Variants in FOSL2 observed in about 807,000 individuals in gnomAD.
The protein encoded by FOSL2 is FOS like 2, AP-1 transcription factor subunit.
Under a neutral mutation model 27.7 loss-of-function variants are expected in FOSL2, and 3 were observed. That is an observed-to-expected ratio of 0.11 (90% CI 0.05 to 0.28). The LOEUF (loss-of-function observed/expected upper bound fraction) is 0.28, where lower values mean the gene tolerates loss of function less well. Ranked by LOEUF, FOSL2 falls within the 10% of genes least tolerant of loss-of-function variation. FOSL2 has a pLI of 1.00. For synonymous variants in FOSL2, 179 were observed against 190.1 expected, an observed-to-expected ratio of 0.94 and a Z score of 0.48; for missense variants, 333 against 445.1, an observed-to-expected ratio of 0.75 and a Z score of 2.27.
rs1664230166 is a variant in FOSL2 at position 28,412,768 on chromosome 2, C to T, written c.*320C>T. ...GAGCCTGAAGCTGGCCTGGACCATT[C>T]CTGTCCCTTTGTTACCATACTGTCT... On this transcript the variant is annotated 3_prime_UTR_variant, in exon 4 of 4. Transcript: ENST00000264716. The surrounding 1 kb of genome is among the most constrained non-coding windows in gnomAD (Gnocchi z 7.1). 3 of 340,744 alleles carry T rather than the reference C, an allele frequency of 8.8e-6. No homozygotes were observed. The highest frequency in any genetic ancestry group is 1.7e-5 in the Non-Finnish European group (3 of 181,512). The allele number at this position is 340,744 out of a possible 1,614,324, so 21.1% of individuals were successfully genotyped here.
At chr2:28,397,874 A>G (rs1219767833) in intron 1 of FOSL2, among the ~76,000 whole-genome samples, 1 of 152,162 alleles carries the variant, frequency 6.6e-6, no homozygotes, top group Non-Finnish European at 1.5e-5. Flanking sequence ...TGTCCTTTGA[A>G]GGGTGAATTT....
At position 28,393,883 on chromosome 2, in the gene FOSL2, C is replaced by T; in HGVS notation, c.102+61C>T. The T allele has an allele frequency of 1.8e-6, 2 of 1,094,294 alleles. No homozygotes were observed. Among genetic ancestry groups the T allele is most frequent in the Admixed American group, 2.4e-5 (1 of 41,062 alleles). 67.8% of individuals were successfully genotyped at this position (1,094,294 alleles called of 1,614,324 possible). ...CGGACCCCTGCCCTCTTCTCGCCGC[C>T]ACTGCCTCTTTTGCTTTCTTTTCTT... On this transcript the variant is annotated intron_variant, in intron 1 of 3. Transcript: ENST00000264716. The surrounding 1 kb of genome is among the most constrained non-coding windows in gnomAD (Gnocchi z 4.6).
Position 28,393,157 on chromosome 2 carries a change from A to G in FOSL2, c.-564A>G, listed in dbSNP as rs1045592818. 3.5e-6 allele frequency: 1 copy of G among 287,634 alleles called. No homozygotes were observed. The highest frequency in any genetic ancestry group is 6.4e-6 in the Non-Finnish European group (1 of 156,224). The allele number at this position is 287,634 out of a possible 1,614,324, so 17.8% of individuals were successfully genotyped here. A position where few individuals can be genotyped will look rare whatever the true frequency, so the allele number is the denominator to read the frequency against. ...GGCGCACGCCGCCTTCTCCTAGTCA[A>G]GTATCCGAGCCGCCCCGAAACTCGG... On this transcript the variant is annotated 5_prime_UTR_variant, in exon 1 of 4. Transcript: ENST00000264716. The surrounding 1 kb of genome is among the most constrained non-coding windows in gnomAD (Gnocchi z 4.6).
chr2:28,413,986 C>T lies in FOSL2; in HGVS notation c.*1538C>T, dbSNP rs1572498639. On this transcript the variant is annotated 3_prime_UTR_variant, in exon 4 of 4. Coordinates refer to ENST00000264716, the MANE Select transcript of FOSL2 (RefSeq NM_005253.4). ...GCACAGCTCAGCAGGGTCCCTGCTG[C>T]CCACCCCTCTGAGCCTTTTCTCCCC... is the stretch of plus-strand genomic sequence containing the variant. 3.0e-5 allele frequency: 12 copies of T among 396,726 alleles called. No homozygotes were observed. The East Asian group carries it at 4.3e-4, about 14-fold the overall frequency. The allele number at this position is 396,726 out of a possible 1,614,324, so 24.6% of individuals were successfully genotyped here.
chr2:28,409,330 G>A (rs1230642072), intron 3 of FOSL2, among the ~76,000 whole-genome samples: 4 of 152,180 alleles, frequency 2.6e-5, no homozygotes, highest in African/African-American at 9.6e-5. Context: ...CCAGGGAGAA[G>A]TCTTGATGGA....
At chr2:28,410,444 C>T in intron 3 of FOSL2, 1 of 747,652 alleles carries the variant, frequency 1.3e-6, no homozygotes, top group Non-Finnish European at 1.6e-6. Flanking sequence ...GACCCAGCCA[C>T]CCAGGCCCCT....
rs752807740 is a variant in FOSL2 at position 28,393,787 on chromosome 2, G to C, written c.67G>C (p.Ala23Pro). 2 of 1,606,944 alleles carry C rather than the reference G, an allele frequency of 1.2e-6. No homozygotes were observed. Among genetic ancestry groups the C allele is most frequent in the South Asian group, 1.1e-5 (1 of 90,146 alleles). Residue 23 changes from alanine (A) to proline (P), a missense_variant, in exon 1 of 4, where the codon GCC (alanine) becomes CCC (proline). Ala to Pro is a conservative substitution (Grantham distance 27). Coordinates refer to ENST00000264716, the MANE Select transcript of FOSL2 (RefSeq NM_005253.4). The surrounding 1 kb of genome is among the most constrained non-coding windows in gnomAD (Gnocchi z 4.6). ...SRGSSGSPAH[A>P]ESYSSGGGGQ... ...GGGCAGCAGCGGCTCTCCTGCGCAC[G>C]CCGAGTCCTACTCCAGCGGCGGCGG...
chr2:28,395,179 A>G (rs1182806594), intron 1 of FOSL2, among the ~76,000 whole-genome samples: 1 of 152,178 alleles, frequency 6.6e-6, no homozygotes, highest in African/African-American at 2.4e-5. Context: ...TGAGTTTAAA[A>G]TCCGAAAAGT....
chr2:28,404,641 AG>A lies in FOSL2; in HGVS notation c.354+284del, dbSNP rs1464928065. On this transcript the variant is annotated intron_variant, in intron 2 of 3. Transcript: ENST00000264716. This position sits in a 1 kb window ranked among gnomAD's most constrained non-coding sequence, Gnocchi z 4.7. ...TCCCTGCAAGCCAGGACTTGGCTAC[AG>A]ATGGGAAGGACCATTACGACCTGCC... 1.3e-5 allele frequency among the ~76,000 whole-genome samples: 2 copies of A among 152,222 alleles called. No homozygotes were observed. Among genetic ancestry groups the A allele is most frequent in the Non-Finnish European group, 2.9e-5 (2 of 68,032 alleles).
In FOSL2 at chr2:28,393,703, C is replaced by G; in HGVS notation, c.-18C>G. 6.3e-7 allele frequency: 1 copy of G among 1,581,952 alleles called. No individual in the cohort carries two copies. The highest frequency in any genetic ancestry group is 8.6e-7 in the Non-Finnish European group (1 of 1,158,194). Reference sequence around the variant, plus strand: ...GAAGAAAAACACCCTGTTTCCTCTCCGGCCCCCACCGCGGATCATGTACCA... The same window carrying G: ...GAAGAAAAACACCCTGTTTCCTCTCGGGCCCCCACCGCGGATCATGTACCA... On this transcript the variant is annotated 5_prime_UTR_variant, in exon 1 of 4. Transcript: ENST00000264716. This position sits in a 1 kb window ranked among gnomAD's most constrained non-coding sequence, Gnocchi z 4.6.
chr2:28,397,926 G>A (rs1663888226), intron 1 of FOSL2, among the ~76,000 whole-genome samples: 1 of 152,234 alleles, frequency 6.6e-6, no homozygotes, highest in Admixed American at 6.5e-5. Flanking sequence ...AGCCGAGTCT[G>A]ACATACAAGT....
chr2:28,413,788 T>G lies in FOSL2; in HGVS notation c.*1340T>G. 2.5e-6 allele frequency: 1 copy of G among 398,900 alleles called. No homozygotes were observed. Among genetic ancestry groups the G allele is most frequent in the East Asian group, 3.6e-5 (1 of 28,084 alleles). 24.7% of individuals were successfully genotyped at this position (398,900 alleles called of 1,614,324 possible). A position where few individuals can be genotyped will look rare whatever the true frequency, so the allele number is the denominator to read the frequency against. The stretch of plus-strand genomic sequence containing the variant: ...CTTCTGGCCCAGGCAGCAAGCAAGC[T>G]GTGAACAGCTGGCCTGAGCTGTCGC... On this transcript the variant is annotated 3_prime_UTR_variant, in exon 4 of 4. Coordinates refer to ENST00000264716, the MANE Select transcript of FOSL2 (RefSeq NM_005253.4).
chr2:28,396,430 C>A, intron 1 of FOSL2, among the ~76,000 whole-genome samples: 1 of 151,950 alleles, frequency 6.6e-6, no homozygotes, highest in Admixed American at 6.6e-5. Flanking sequence ...TGTCAGTAAC[C>A]GTTGCACACA....
chr2:28,393,070 C>T lies in FOSL2; in HGVS notation c.-651C>T, dbSNP rs1663709135. 2.0e-6 allele frequency: 1 copy of T among 488,550 alleles called. No homozygotes were observed. The highest frequency in any genetic ancestry group is 2.1e-5 in the African/African-American group (1 of 48,210). The allele number at this position is 488,550 out of a possible 1,614,324, so 30.3% of individuals were successfully genotyped here. A position where few individuals can be genotyped will look rare whatever the true frequency, so the allele number is the denominator to read the frequency against. On this transcript the variant is annotated 5_prime_UTR_variant, in exon 1 of 4. Coordinates refer to ENST00000264716, the MANE Select transcript of FOSL2 (RefSeq NM_005253.4). This position sits in a 1 kb window ranked among gnomAD's most constrained non-coding sequence, Gnocchi z 4.6. ...GGGAGCGGGGCCGCGTCCCTCTCAGCGCCAGCTCTACTTGAGCCCCACGAG... is the reference window on the plus strand; with the variant it reads ...GGGAGCGGGGCCGCGTCCCTCTCAGTGCCAGCTCTACTTGAGCCCCACGAG...
Position 28,416,464 on chromosome 2 carries a change from C to CTTTTTTTTT in FOSL2, c.*4025_*4033dup. 7.1e-6 allele frequency: 1 copy of CTTTTTTTTT among 139,986 alleles called. No individual in the cohort carries two copies. The allele number at this position is 139,986 out of a possible 1,614,324, so 8.7% of individuals were successfully genotyped here. A position where few individuals can be genotyped will look rare whatever the true frequency, so the allele number is the denominator to read the frequency against. ...CCGTTCCTCTCTCTCTTCTCGCTTC[C>CTTTTTTTTT]TTTTTTTTTTTTTTTTTAAATTTAG... is the stretch of plus-strand genomic sequence containing the variant. On this transcript the variant is annotated 3_prime_UTR_variant, in exon 4 of 4. Transcript: ENST00000264716.
intron 2 of FOSL2, among the ~76,000 whole-genome samples, chr2:28,407,871 T>G (rs1421808132): frequency 6.6e-6 from 1 of 152,234 alleles, no homozygotes; most frequent in East Asian, 1.9e-4. Flanking sequence ...GCAGAGTTCA[T>G]GCTTTCCGGT....
rs759420095 is a variant in FOSL2 at position 28,413,903 on chromosome 2, C to G, written c.*1455C>G. ...AGATAGGATGTTTTGCTTCCCACTGCAGGAGAGCTGCCCCCTTTCACGGGG... is the reference window on the plus strand; with the variant it reads ...AGATAGGATGTTTTGCTTCCCACTGGAGGAGAGCTGCCCCCTTTCACGGGG... On this transcript the variant is annotated 3_prime_UTR_variant, in exon 4 of 4. Coordinates refer to ENST00000264716, the MANE Select transcript of FOSL2 (RefSeq NM_005253.4). 9.5e-5 allele frequency: 38 copies of G among 398,572 alleles called. No homozygotes were observed. In the East Asian group the frequency reaches 1.1e-3, roughly 12 times the overall value. The allele number at this position is 398,572 out of a possible 1,614,324, so 24.7% of individuals were successfully genotyped here.
chr2:28,411,428 T>C (rs1664196297), intron 3 of FOSL2, among the ~76,000 whole-genome samples: 1 of 152,092 alleles, frequency 6.6e-6, no homozygotes, highest in Non-Finnish European at 1.5e-5. Flanking sequence ...TCTGCAGTAC[T>C]CACCCCTCAG....
chr2:28,409,825 C>T (rs1313764050), intron 3 of FOSL2, among the ~76,000 whole-genome samples: 1 of 152,242 alleles, frequency 6.6e-6, no homozygotes, highest in African/African-American at 2.4e-5. Flanking sequence ...ACTGCAACCT[C>T]TGCCTCTTGG....
Sources: allele counts gnomAD v4.1 joint callset (sites outside exome capture counted in the v4.1 genomes callset), GRCh38; gene constraint gnomAD v4.1.1; non-coding constraint Gnocchi (gnomAD v3.1); transcripts MANE v1.5; gene names NCBI Gene and HGNC (gene_info 2026-07-23, HGNC 2026-07-21).